Variants in OR52I2 observed in about 807,000 individuals in gnomAD.
OR52I2 encodes the protein olfactory receptor 52I2.
For missense variants in OR52I2, 350 were observed against 402.4 expected (o/e 0.87, Z 1.11); for synonymous variants, 147 against 151.9 (o/e 0.97, Z 0.24).
chr11:4,592,465 C>T (rs964761266), exon 2 of OR52I2: 2 of 152,104 alleles, frequency 1.3e-5, no homozygotes, highest in African/African-American at 2.4e-5. Flanking sequence ...GATTTGTACG[C>T]TCTATTCTGA....
chr11:4,582,604 TA>T (rs1846267402), intron 1 of OR52I2, among the ~76,000 whole-genome samples: 1 of 151,890 alleles, frequency 6.6e-6, no homozygotes, highest in East Asian at 1.9e-4. Context: ...CATGCCCAGC[TA>T]ATTTTTTGTA....
exon 2 of OR52I2, chr11:4,592,876 G>A (rs1355167357): frequency 6.6e-6 from 1 of 152,208 alleles, no homozygotes; most frequent in African/African-American, 2.4e-5. Context: ...ACGTGGCCAA[G>A]TGAAACCCCT....
At chr11:4,587,170 A>G in exon 2 of OR52I2, 1 of 1,614,158 alleles carries the variant, frequency 6.2e-7, no homozygotes, top group Non-Finnish European at 8.5e-7. Flanking sequence ...CTCAGGAGAC[A>G]GCTCAATCAG....
chr11:4,587,163 A>C (rs56002758), exon 2 of OR52I2: 50 of 1,604,310 alleles, frequency 3.1e-5, no homozygotes, highest in Non-Finnish European at 4.1e-5. Flanking sequence ...TCTTCTGCTC[A>C]GGAGACAGCT....
At chr11:4,592,009 G>C (rs1398183562) in exon 2 of OR52I2, 1 of 152,198 alleles carries the variant, frequency 6.6e-6, no homozygotes, top group Non-Finnish European at 1.5e-5. Flanking sequence ...GGGAGGACAA[G>C]AGAAATTCTT....
exon 2 of OR52I2, chr11:4,589,403 C>T (rs1846334338): frequency 6.6e-6 from 1 of 152,192 alleles, no homozygotes; most frequent in African/African-American, 2.4e-5. Flanking sequence ...GAGGCATGGA[C>T]TCATTGGAGA....
intron 1 of OR52I2, among the ~76,000 whole-genome samples, chr11:4,582,434 A>ATTTTTTTTTTT (rs386372959): frequency 3.4e-4 from 33 of 96,468 alleles, no homozygotes; most frequent in South Asian, 7.4e-4. Flanking sequence ...TTTATTTTTC[A>ATTTTTTTTTTT]TTTTTTTTTT....
At chr11:4,588,227 C>T (rs1846323863) in exon 2 of OR52I2, 1 of 243,522 alleles carries the variant, frequency 4.1e-6, no homozygotes, top group African/African-American at 2.2e-5. Context: ...GCTCACCATT[C>T]TCTTCATGAA....
intron 1 of OR52I2, among the ~76,000 whole-genome samples, chr11:4,583,174 G>T (rs1846272671): frequency 6.6e-6 from 1 of 151,982 alleles, no homozygotes; most frequent in Non-Finnish European, 1.5e-5. Flanking sequence ...ATTTTAAAAA[G>T]AAACAGCCAA....
rs201092028 is a variant in OR52I2, at chr11:4,587,638, G to A, written c.748G>A (p.Gly250Arg). ...ATTAAGCACATGTGGCTCCCATGTGGGGGTTATGGCTTTGTACTATCTACC... is the reference window on the plus strand; with the variant it reads ...ATTAAGCACATGTGGCTCCCATGTGAGGGTTATGGCTTTGTACTATCTACC... Residue 250 changes from glycine (G) to arginine (R), a missense_variant, in exon 2 of 2, where the codon GGG becomes AGG. Physicochemically the swap from Gly to Arg is moderately radical, Grantham distance 125. Transcript: ENST00000641896. 45 of 1,613,986 alleles carry A rather than the reference G, an allele frequency of 2.8e-5. No homozygotes were observed. The South Asian group carries it at 4.5e-4, about 16-fold the overall frequency.
chr11:4,587,582 G>A lies in OR52I2; in HGVS notation c.692G>A (p.Gly231Asp), dbSNP rs750606405. The A allele has an allele frequency of 4.0e-5, 65 of 1,613,880 alleles. No individual in the cohort carries two copies. In the Admixed American group the frequency reaches 4.3e-4, roughly 11 times the overall value. The change falls in exon 2 of 2, where the codon GGT (glycine) becomes GAT (aspartate). Residue 231 changes from glycine to aspartate, a missense_variant. Coordinates refer to ENST00000641896, the Ensembl canonical transcript of OR52I2. ...ATCTTAATTCTCAAGGCAGTATTTG[G>A]TCTCTCCTCAAAGACTGCTCAGTTG...
exon 2 of OR52I2, chr11:4,592,420 A>G (rs1846357641): frequency 6.6e-6 from 1 of 152,176 alleles, no homozygotes; most frequent in South Asian, 2.1e-4. Context: ...TGGGACCAAT[A>G]ACATATTTTG....
At chr11:4,586,272 T>G (rs866341470) in intron 1 of OR52I2, among the ~76,000 whole-genome samples, 16 of 152,304 alleles carry the variant, frequency 1.1e-4, no homozygotes, top group African/African-American at 3.8e-4. Context: ...TCATATTTTT[T>G]TATAGGCACT....
exon 2 of OR52I2, chr11:4,589,854 T>A (rs541597971): frequency 6.6e-6 from 1 of 152,212 alleles, no homozygotes; most frequent in Admixed American, 6.5e-5. Context: ...TAAGACATTT[T>A]CATTTTGAAT....
At chr11:4,592,227 A>C (rs1817514882) in exon 2 of OR52I2, 1 of 152,218 alleles carries the variant, frequency 6.6e-6, no homozygotes, top group African/African-American at 2.4e-5. Flanking sequence ...TTATCACTTA[A>C]ATCTCAAAAT....
exon 2 of OR52I2, chr11:4,587,058 T>C (rs1334939383): frequency 6.2e-7 from 1 of 1,614,052 alleles, no homozygotes; most frequent in Non-Finnish European, 8.5e-7. Context: ...TCTGGATGGA[T>C]TCCACTCGGC....
rs386372959 is a variant in OR52I2, at chr11:4,582,434, A to ATTTTTTTTTTTTTTTTT, written c.-20+576_-20+592dup. 1.0e-3 allele frequency among the ~76,000 whole-genome samples: 96 copies of ATTTTTTTTTTTTTTTTT among 96,474 alleles called. 2 individuals carry two copies. Among genetic ancestry groups the ATTTTTTTTTTTTTTTTT allele is most frequent in the East Asian group, 1.2e-3 (4 of 3,252 alleles). The allele number at this position is 96,474 out of a possible 152,430, so 63.3% of individuals were successfully genotyped here. A position where few individuals can be genotyped will look rare whatever the true frequency, so the allele number is the denominator to read the frequency against. On this transcript the variant is annotated intron_variant, in intron 1 of 1. Transcript: ENST00000641896. ...TTATTTTTATATTTATTTATTTTTC[A>ATTTTTTTTTTTTTTTTT]TTTTTTTTTTTTTTTTTTTTTTGAG...
intron 1 of OR52I2, among the ~76,000 whole-genome samples, chr11:4,585,345 C>A (rs1002938694): frequency 6.6e-6 from 1 of 152,118 alleles, no homozygotes; most frequent in African/African-American, 2.4e-5. Context: ...AATGTTACCA[C>A]CAGAAGAGGC....
exon 2 of OR52I2, chr11:4,586,974 T>A (rs763163575): frequency 4.3e-6 from 7 of 1,614,168 alleles, no homozygotes; most frequent in African/African-American, 1.3e-5. Context: ...AATCTTCACA[T>A]CTTTGGCTGG....
Sources: allele counts gnomAD v4.1 joint callset (sites outside exome capture counted in the v4.1 genomes callset), GRCh38; gene constraint gnomAD v4.1.1; transcripts MANE v1.5; gene names NCBI Gene and HGNC (gene_info 2026-07-23, HGNC 2026-07-21).